Variants in MACROD2 observed in about 807,000 individuals in gnomAD.
MACROD2 encodes ADP-ribose glycohydrolase MACROD2.
MACROD2 carries 36 observed loss-of-function variants against 70.4 expected under a neutral mutation model. The observed-to-expected ratio is 0.51, with a 90% CI of 0.39 to 0.68. MACROD2 has a LOEUF of 0.68. Among genes scored for constraint, MACROD2 ranks in the 30% least tolerant of loss-of-function variants. The probability of loss-of-function intolerance (pLI) is 0.00; values close to 1 mark genes in which losing one functional copy is unlikely to be tolerated. For missense variants in MACROD2, 496 were observed against 538.4 expected, an observed-to-expected ratio of 0.92 and a Z score of 0.78; for synonymous variants, 172 against 178.8, an observed-to-expected ratio of 0.96 and a Z score of 0.30.
chr20:15,514,708 CT>C (rs1486444248), intron 8 of MACROD2, among the ~76,000 whole-genome samples: 1 of 152,058 alleles, frequency 6.6e-6, no homozygotes, highest in East Asian at 1.9e-4. Flanking sequence ...GTCTAAGTAC[CT>C]TACTTGAATT....
intron 5 of MACROD2, among the ~76,000 whole-genome samples, chr20:15,035,519 T>A (rs1169227629): frequency 6.6e-6 from 1 of 152,204 alleles, no homozygotes; most frequent in African/African-American, 2.4e-5. Flanking sequence ...AAATTTGATC[T>A]TATCTCAAGC....
intron 3 of MACROD2, among the ~76,000 whole-genome samples, chr20:14,185,494 T>G (rs2081337360): frequency 6.6e-6 from 1 of 152,136 alleles, no homozygotes; most frequent in African/African-American, 2.4e-5. Flanking sequence ...TCAAGGAGTA[T>G]TTATTGAAAG....
intron 3 of MACROD2, among the ~76,000 whole-genome samples, chr20:14,465,148 C>T (rs112157041): frequency 2.6e-5 from 4 of 152,020 alleles, no homozygotes; most frequent in Non-Finnish European, 5.9e-5. Context: ...TAAAGTCTCC[C>T]ATTATTAATG....
rs542369196 is a variant in MACROD2 at position 14,475,421 on chromosome 20, T to A, written c.272-18058T>A. Among the ~76,000 whole-genome samples the A allele has an allele frequency of 2.8e-3, 421 of 152,304 alleles. 1 individual carries two copies. The highest frequency in any genetic ancestry group is 9.3e-3 in the African/African-American group (386 of 41,568). ...CATGATTACAGTATTAGAGTAAATA[T>A]TAAATTAAGTCTAGTTTGTCTGCAA... On this transcript the variant is annotated intron_variant, in intron 3 of 17. Coordinates refer to ENST00000684519, the MANE Select transcript of MACROD2 (RefSeq NM_001351661.2).
intron 5 of MACROD2, among the ~76,000 whole-genome samples, chr20:14,938,706 A>G (rs1226183550): frequency 6.6e-6 from 1 of 152,070 alleles, no homozygotes; most frequent in East Asian, 1.9e-4. Context: ...ACCTGAGCCC[A>G]AGAGGCGGAG....
intron 3 of MACROD2, among the ~76,000 whole-genome samples, chr20:14,200,754 C>G (rs1237254589): frequency 6.6e-6 from 1 of 152,058 alleles, no homozygotes; most frequent in Non-Finnish European, 1.5e-5. Context: ...GTTTTTAAAT[C>G]TTTGCTAATG....
chr20:15,357,495 G>C (rs2078301215), intron 6 of MACROD2, among the ~76,000 whole-genome samples: 1 of 151,900 alleles, frequency 6.6e-6, no homozygotes, highest in African/African-American at 2.4e-5. Context: ...TTCTTCACTT[G>C]TGTCTATGAG....
At chr20:14,717,946 AAAAC>A (rs1268010139) in intron 5 of MACROD2, among the ~76,000 whole-genome samples, 2 of 152,118 alleles carry the variant, frequency 1.3e-5, no homozygotes, top group African/African-American at 4.8e-5. Flanking sequence ...TGGTGCTATT[AAAAC>A]AAACAAACCA....
intron 7 of MACROD2, among the ~76,000 whole-genome samples, chr20:15,498,226 A>G (rs1005563785): frequency 3.3e-5 from 5 of 152,160 alleles, no homozygotes; most frequent in African/African-American, 9.7e-5. Context: ...AAAGCAACAC[A>G]TATTCTTGGA....
chr20:14,522,595 C>T (rs552574754), intron 4 of MACROD2, among the ~76,000 whole-genome samples: 19 of 152,312 alleles, frequency 1.2e-4, no homozygotes, highest in African/African-American at 3.1e-4. Flanking sequence ...GTTTGTGGAA[C>T]GTCAAATTCA....
At chr20:15,640,035 AGG>A (rs2049433776) in intron 8 of MACROD2, among the ~76,000 whole-genome samples, 1 of 149,350 alleles carries the variant, frequency 6.7e-6, no homozygotes, top group African/African-American at 2.5e-5. Flanking sequence ...GAGAGAGAAA[AGG>A]GGTGAGAGAA....
chr20:15,292,284 A>T (rs17298444), intron 6 of MACROD2, among the ~76,000 whole-genome samples: 26,303 of 152,160 alleles, frequency 0.17, 2,679 homozygotes, highest in Non-Finnish European at 0.24. Flanking sequence ...TAATTAACTT[A>T]TCTAATCTAT....
At chr20:14,148,172 G>A (rs969795293) in intron 3 of MACROD2, among the ~76,000 whole-genome samples, 3 of 152,134 alleles carry the variant, frequency 2.0e-5, no homozygotes, top group African/African-American at 7.2e-5. Flanking sequence ...TACTACCACT[G>A]ACTCATGTTT....
intron 5 of MACROD2, among the ~76,000 whole-genome samples, chr20:15,212,509 T>C (rs1372204632): frequency 2.0e-5 from 3 of 152,306 alleles, no homozygotes; most frequent in African/African-American, 7.2e-5. Context: ...AAGTTTTGCT[T>C]CCACATGGAA....
Position 13,995,624 on chromosome 20 carries a change from G to GGCGAGCA in MACROD2, c.-136_-130dup. 1 of 800,588 alleles carries GGCGAGCA rather than the reference G, an allele frequency of 1.2e-6. No homozygotes were observed. Among genetic ancestry groups the GGCGAGCA allele is most frequent in the Admixed American group, 2.0e-5 (1 of 49,720 alleles). 49.6% of individuals were successfully genotyped at this position (800,588 alleles called of 1,614,324 possible). A position where few individuals can be genotyped will look rare whatever the true frequency, so the allele number is the denominator to read the frequency against. ...GGGCGGCGACTGGAGAGCGGCGAGC[G>GGCGAGCA]GCGAGCAGCGCAGGACGCAGAGCCT... On this transcript the variant is annotated 5_prime_UTR_variant, in exon 1 of 18. Transcript: ENST00000684519. The surrounding 1 kb of genome is among the most constrained non-coding windows in gnomAD (Gnocchi z 4.3).
chr20:15,734,837 A>C (rs886344841), intron 8 of MACROD2, among the ~76,000 whole-genome samples: 2 of 152,356 alleles, frequency 1.3e-5, no homozygotes, highest in Admixed American at 1.3e-4. Context: ...CTAATTTTTC[A>C]TAATGCTTTC....
At chr20:14,255,389 A>G (rs1344419397) in intron 3 of MACROD2, among the ~76,000 whole-genome samples, 1 of 152,070 alleles carries the variant, frequency 6.6e-6, no homozygotes, top group Non-Finnish European at 1.5e-5. Flanking sequence ...TTGTAGGGAC[A>G]TGGATGAAGC....
Position 15,577,681 on chromosome 20 carries a change from C to T in MACROD2, c.645+77834C>T, listed in dbSNP as rs546458353. The stretch of plus-strand genomic sequence containing the variant: ...TATTTATGTGGGCATGTGTTCCCCT[C>T]TAGATTTCCTGCCATAGATAAACAC... On this transcript the variant is annotated intron_variant, in intron 8 of 17. Coordinates refer to ENST00000684519, the MANE Select transcript of MACROD2 (RefSeq NM_001351661.2). 2.0e-5 allele frequency among the ~76,000 whole-genome samples: 3 copies of T among 152,278 alleles called. No homozygotes were observed. The South Asian group carries it at 6.2e-4, about 32-fold the overall frequency.
intron 5 of MACROD2, among the ~76,000 whole-genome samples, chr20:15,158,502 C>T (rs905839714): frequency 2.6e-5 from 4 of 152,056 alleles, no homozygotes; most frequent in African/African-American, 9.7e-5. Context: ...TAGTAAAAGG[C>T]AGGCTAAATT....
Sources: gnomAD v4.1 joint callset for allele counts (sites outside exome capture counted in the v4.1 genomes callset) on GRCh38, gnomAD v4.1.1 for gene constraint, Gnocchi (gnomAD v3.1) non-coding constraint, MANE v1.5 for transcripts, NCBI Gene and HGNC (gene_info 2026-07-23, HGNC 2026-07-21) for gene names.